The following CACNA1B variants were observed in gnomAD, a reference collection of about 807,000 sequenced individuals.
CACNA1B encodes voltage-dependent N-type calcium channel subunit alpha-1B.
Under a neutral mutation model 247.2 loss-of-function variants are expected in CACNA1B, and 70 were observed. The ratio of observed to expected loss-of-function variants is 0.28; its 90% CI spans 0.23 to 0.35. CACNA1B has a LOEUF of 0.35. CACNA1B is among the 10% of genes least tolerant of loss of function. The pLI is 1.00. For synonymous variants in CACNA1B, 1,231 were observed against 1,294.4 expected (o/e 0.95, Z 1.05); for missense variants, 2,367 against 3,197.4 (o/e 0.74, Z 6.26).
At chr9:137,998,576 C>T (rs1038713071) in intron 15 of CACNA1B, among the ~76,000 whole-genome samples, 3 of 152,074 alleles carry the variant, frequency 2.0e-5, no homozygotes, top group Middle Eastern at 3.4e-3. Flanking sequence ...AGCGAGACTC[C>T]GTCTCAAAAA....
In CACNA1B at chr9:137,916,027, A is replaced by G. The variant is rs531688496; in HGVS notation, c.776-1214A>G. On this transcript the variant is annotated intron_variant, in intron 5 of 46. Transcript: ENST00000371372. ...GATAGATATTTTCATGTGTTGTTAT[A>G]CAATTTTTTTTTTTTTTTTTTTTGA... Among the ~76,000 whole-genome samples, 3 of 148,872 alleles carry G rather than the reference A, an allele frequency of 2.0e-5. No homozygotes were observed. In the East Asian group the frequency reaches 6.2e-4, roughly 31 times the overall value.
At chr9:138,090,283 C>T (rs1377513729) in intron 36 of CACNA1B, among the ~76,000 whole-genome samples, 1 of 152,052 alleles carries the variant, frequency 6.6e-6, no homozygotes, top group Admixed American at 6.6e-5. Flanking sequence ...TTAACAAAAG[C>T]ACCAAGAACA....
At chr9:138,094,455 A>C (rs2131339863) in intron 36 of CACNA1B, among the ~76,000 whole-genome samples, 1 of 146,814 alleles carries the variant, frequency 6.8e-6, no homozygotes, top group Middle Eastern at 3.5e-3. Flanking sequence ...AAAAAAAAAA[A>C]AAAAGAAGAA....
chr9:138,118,088 A>C lies in CACNA1B; in HGVS notation c.5913+7A>C, dbSNP rs763720998. On this transcript the variant is annotated splice_region_variant and intron_variant, in intron 43 of 46. Coordinates refer to ENST00000371372, the MANE Select transcript of CACNA1B (RefSeq NM_000718.4). Reference sequence around the variant, plus strand: ...GGGGCGGTCAGGAGCACTGGTGAGCACTCCCGGGGGCTAGTGAGACTGGGT... The same window carrying C: ...GGGGCGGTCAGGAGCACTGGTGAGCCCTCCCGGGGGCTAGTGAGACTGGGT... 4.2e-6 allele frequency: 6 copies of C among 1,433,820 alleles called. No individual in the cohort carries two copies. The highest frequency in any genetic ancestry group is 2.8e-6 in the Non-Finnish European group (3 of 1,081,482). 88.8% of individuals were successfully genotyped at this position (1,433,820 alleles called of 1,614,324 possible). A position where few individuals can be genotyped will look rare whatever the true frequency, so the allele number is the denominator to read the frequency against.
intron 23 of CACNA1B, among the ~76,000 whole-genome samples, chr9:138,048,091 C>T (rs1959198499): frequency 6.6e-6 from 1 of 152,184 alleles, no homozygotes. Flanking sequence ...GCACACAGGA[C>T]AGCGTGTGCA....
At chr9:138,060,812 G>C (rs1959693017) in intron 31 of CACNA1B, among the ~76,000 whole-genome samples, 1 of 152,242 alleles carries the variant, frequency 6.6e-6, no homozygotes, top group Non-Finnish European at 1.5e-5. Context: ...CTGGGAGACA[G>C]AGCGGAGCTC....
Position 137,957,591 on chromosome 9 carries a change from A to G in CACNA1B, c.1244-7A>G, listed in dbSNP as rs1450486138. 6.4e-7 allele frequency: 1 copy of G among 1,574,688 alleles called. No individual in the cohort carries two copies. Among genetic ancestry groups the G allele is most frequent in the Non-Finnish European group, 8.6e-7 (1 of 1,160,676 alleles). On this transcript the variant is annotated splice_polypyrimidine_tract_variant and splice_region_variant and intron_variant, in intron 9 of 46. Transcript: ENST00000371372. The surrounding 1 kb of genome is among the most constrained non-coding windows in gnomAD (Gnocchi z 4.7). ...AGGCAGTCTCTCCCATCCTTTGTTT[A>G]AAGCAGTGCTGAAGAGAGCGGCCAC...
Position 138,046,004 on chromosome 9 carries a change from G to T in CACNA1B, c.3414-900G>T, listed in dbSNP as rs559554987. Among the ~76,000 whole-genome samples, 17 of 152,270 alleles carry T rather than the reference G, an allele frequency of 1.1e-4. No homozygotes were observed. The East Asian group carries it at 3.3e-3, about 29-fold the overall frequency. On this transcript the variant is annotated intron_variant, in intron 21 of 46. Coordinates refer to ENST00000371372, the MANE Select transcript of CACNA1B (RefSeq NM_000718.4). ...ACAGCCCTCGTGATGGGGGCCGTCT[G>T]CCCCACCTGCTCCGTCCACGGCTGC... is the stretch of plus-strand genomic sequence containing the variant.
Position 137,976,127 on chromosome 9 carries a change from A to G in CACNA1B, c.1656+108A>G, listed in dbSNP as rs999548794. The stretch of plus-strand genomic sequence containing the variant: ...TGTGGGCTGGGGTCTGTGACCCTAC[A>G]TGGGTCAGAAAGGCTGCCTGAAGAC... On this transcript the variant is annotated intron_variant, in intron 12 of 46. Transcript: ENST00000371372. The G allele has an allele frequency of 2.4e-5, 17 of 711,510 alleles. No homozygotes were observed. The African/African-American group carries it at 2.5e-4, about 10-fold the overall frequency. 44.1% of individuals were successfully genotyped at this position (711,510 alleles called of 1,614,324 possible).
chr9:137,979,464 C>T (rs1041724386), intron 12 of CACNA1B, among the ~76,000 whole-genome samples: 4 of 152,054 alleles, frequency 2.6e-5, no homozygotes, highest in Non-Finnish European at 5.9e-5. Context: ...AAGAAAGATC[C>T]CATCAGTTTT....
chr9:138,041,889 G>T (rs1007835957), intron 20 of CACNA1B, among the ~76,000 whole-genome samples: 2 of 152,074 alleles, frequency 1.3e-5, no homozygotes, highest in East Asian at 1.9e-4. Flanking sequence ...GGAGTCGCTG[G>T]AACTGTATGC....
intron 3 of CACNA1B, among the ~76,000 whole-genome samples, chr9:137,902,114 A>G (rs1957247306): frequency 6.6e-6 from 1 of 152,046 alleles, no homozygotes; most frequent in Admixed American, 6.5e-5. Flanking sequence ...GTCCTTTTCC[A>G]TTACTGATGA....
rs772708244 is a variant in CACNA1B, at chr9:138,052,308, G to C, written c.3807+120G>C. The stretch of plus-strand genomic sequence containing the variant: ...GTGTGTGTGTTCACATCACACCCCT[G>C]TGTGAGGGGGTTGGGCTCACTCAGC... On this transcript the variant is annotated intron_variant, in intron 25 of 46. Transcript: ENST00000371372. The surrounding 1 kb of genome is among the most constrained non-coding windows in gnomAD (Gnocchi z 5.1). 3 of 628,434 alleles carry C rather than the reference G, an allele frequency of 4.8e-6. No homozygotes were observed. Among genetic ancestry groups the C allele is most frequent in the Admixed American group, 2.3e-5 (1 of 42,822 alleles). 38.9% of individuals were successfully genotyped at this position (628,434 alleles called of 1,614,324 possible).
intron 31 of CACNA1B, among the ~76,000 whole-genome samples, chr9:138,066,748 CAGAA>C (rs1466742637): frequency 6.6e-6 from 1 of 151,912 alleles, no homozygotes; most frequent in Admixed American, 6.6e-5. Flanking sequence ...AAGCAGTACT[CAGAA>C]AGAAATTTAC....
intron 6 of CACNA1B, among the ~76,000 whole-genome samples, chr9:137,943,570 G>A (rs931345773): frequency 1.1e-4 from 17 of 152,128 alleles, no homozygotes; most frequent in South Asian, 4.1e-4. Flanking sequence ...TAACCTGCAC[G>A]GACCTTGGGG....
chr9:138,042,766 C>T (rs1413804749), intron 20 of CACNA1B, among the ~76,000 whole-genome samples: 2 of 152,198 alleles, frequency 1.3e-5, no homozygotes, highest in African/African-American at 2.4e-5. Context: ...TTTTCATGCT[C>T]ACCTCGAAGC....
In CACNA1B at chr9:138,100,768, A is replaced by C. The variant is rs544358692; in HGVS notation, c.5223-1943A>C. 1.3e-5 allele frequency among the ~76,000 whole-genome samples: 2 copies of C among 152,234 alleles called. No homozygotes were observed. The highest frequency in any genetic ancestry group is 1.3e-4 in the Admixed American group (2 of 15,292). On this transcript the variant is annotated intron_variant, in intron 37 of 46. Transcript: ENST00000371372. This position sits in a 1 kb window ranked among gnomAD's most constrained non-coding sequence, Gnocchi z 4.6. ...ACCTGCCTTGCTGTGGTGGTGAGAA[A>C]GCCAGGCGTCAGAGGGTTTGGCTGA...
At chr9:138,115,451 A>T (rs1003889294) in intron 41 of CACNA1B, 101 bp from the exon 42 acceptor site, 2 of 1,292,608 alleles carry the variant, frequency 1.5e-6, no homozygotes, top group Non-Finnish European at 2.1e-6. Flanking sequence ...GGGCTTGAAC[A>T]TGACCTGGCT....
intron 3 of CACNA1B, among the ~76,000 whole-genome samples, chr9:137,902,234 C>T (rs1957248155): frequency 6.6e-6 from 1 of 152,134 alleles, no homozygotes; most frequent in Non-Finnish European, 1.5e-5. Context: ...ATTGAGTGCA[C>T]ACTGCCTACC....
Sources: gnomAD v4.1 joint callset for allele counts (sites outside exome capture counted in the v4.1 genomes callset) on GRCh38, gnomAD v4.1.1 for gene constraint, Gnocchi (gnomAD v3.1) non-coding constraint, MANE v1.5 for transcripts, NCBI Gene and HGNC (gene_info 2026-07-23, HGNC 2026-07-21) for gene names.